Variants in PRKG1 observed in about 807,000 individuals in gnomAD.
PRKG1 encodes the protein cGMP-dependent protein kinase 1.
Under a neutral mutation model 88.1 loss-of-function variants are expected in PRKG1, and 35 were observed. That is an observed-to-expected ratio of 0.40 (90% CI 0.30 to 0.53). The LOEUF is 0.53. Among genes scored for constraint, PRKG1 ranks in the 20% least tolerant of loss-of-function variants. The pLI is 0.59. For missense variants in PRKG1, 540 were observed against 839.8 expected, an observed-to-expected ratio of 0.64 and a Z score of 4.41; for synonymous variants, 303 against 292.5, an observed-to-expected ratio of 1.04 and a Z score of -0.37.
At chr10:51,604,733 A>G (rs1838710888) in intron 3 of PRKG1, among the ~76,000 whole-genome samples, 1 of 152,212 alleles carries the variant, frequency 6.6e-6, no homozygotes, top group South Asian at 2.1e-4. Flanking sequence ...TAGGGGGAGC[A>G]TGCAGACAGG....
At chr10:51,550,979 C>A (rs1422857196) in intron 3 of PRKG1, among the ~76,000 whole-genome samples, 2 of 151,816 alleles carry the variant, frequency 1.3e-5, no homozygotes, top group African/African-American at 4.8e-5. Context: ...GATGCTTAAA[C>A]CTTTATTAAG....
At chr10:51,785,127 T>C (rs540125386) in intron 3 of PRKG1, among the ~76,000 whole-genome samples, 87 of 151,144 alleles carry the variant, frequency 5.8e-4, no homozygotes, top group African/African-American at 1.3e-3. Flanking sequence ...TCTTCTTCTT[T>C]TTTTTTTTTT....
At chr10:51,555,683 A>C (rs10998081) in intron 3 of PRKG1, among the ~76,000 whole-genome samples, 24,297 of 151,930 alleles carry the variant, frequency 0.16, 2,270 homozygotes, top group African/African-American at 0.26. Context: ...GTTAAGGTAG[A>C]TGTTGAGGAC....
intron 2 of PRKG1, among the ~76,000 whole-genome samples, chr10:51,211,610 T>C (rs1264187986): frequency 6.6e-5 from 10 of 152,042 alleles, no homozygotes; most frequent in African/African-American, 2.4e-4. Context: ...TAAGCAACTT[T>C]AGCAAAGTCT....
At chr10:51,755,692 C>A (rs1277967003) in intron 3 of PRKG1, among the ~76,000 whole-genome samples, 1 of 152,114 alleles carries the variant, frequency 6.6e-6, no homozygotes, top group Non-Finnish European at 1.5e-5. Context: ...TTTATTTAAC[C>A]AGCATTCTGT....
intron 9 of PRKG1, among the ~76,000 whole-genome samples, chr10:52,187,292 A>C (rs542624309): frequency 6.6e-6 from 1 of 152,180 alleles, no homozygotes. Context: ...TTAAGTCACT[A>C]TAGTAGCCTC....
intron 3 of PRKG1, among the ~76,000 whole-genome samples, chr10:51,637,114 A>G (rs1480648840): frequency 6.6e-6 from 1 of 152,210 alleles, no homozygotes; most frequent in Non-Finnish European, 1.5e-5. Context: ...GGCAAAGAAC[A>G]TGAACAAACA....
chr10:51,590,358 G>A (rs574380726), intron 3 of PRKG1, among the ~76,000 whole-genome samples: 1 of 152,190 alleles, frequency 6.6e-6, no homozygotes, highest in East Asian at 1.9e-4. Flanking sequence ...TGGCATATGG[G>A]GAACTAGAAT....
chr10:51,934,309 A>T (rs563285693), intron 5 of PRKG1, among the ~76,000 whole-genome samples: 2 of 147,354 alleles, frequency 1.4e-5, no homozygotes, highest in Admixed American at 1.3e-4. Flanking sequence ...TTATATTTTG[A>T]GTTGTGTCAG....
chr10:52,198,813 A>AGTGTGTGT (rs3031003), intron 9 of PRKG1, among the ~76,000 whole-genome samples: 34 of 148,894 alleles, frequency 2.3e-4, no homozygotes, highest in African/African-American at 8.4e-4. Context: ...TTGGGGTGTG[A>AGTGTGTGT]GTGTGTGTGT....
intron 5 of PRKG1, among the ~76,000 whole-genome samples, chr10:52,041,029 A>C (rs1589549716): frequency 6.6e-6 from 1 of 151,486 alleles, no homozygotes; most frequent in South Asian, 2.1e-4. Flanking sequence ...AGTAGAGACG[A>C]GGTTTTACCA....
At chr10:52,279,343 A>G (rs1403766038) in intron 12 of PRKG1, among the ~76,000 whole-genome samples, 1 of 152,160 alleles carries the variant, frequency 6.6e-6, no homozygotes, top group African/African-American at 2.4e-5. Context: ...TTCCATTCAG[A>G]TATTATTCAA....
At chr10:51,503,409 T>C (rs1158973351) in intron 3 of PRKG1, among the ~76,000 whole-genome samples, 1 of 152,090 alleles carries the variant, frequency 6.6e-6, no homozygotes, top group Non-Finnish European at 1.5e-5. Flanking sequence ...TTGAAGAGCA[T>C]TGTTTGGGTG....
At chr10:51,775,917 T>G (rs1387355873) in intron 3 of PRKG1, among the ~76,000 whole-genome samples, 1 of 152,100 alleles carries the variant, frequency 6.6e-6, no homozygotes, top group African/African-American at 2.4e-5. Flanking sequence ...CTGTCTTTCC[T>G]TCATGGTTAC....
At chr10:51,445,642 C>A (rs1460310808) in intron 2 of PRKG1, among the ~76,000 whole-genome samples, 1 of 151,692 alleles carries the variant, frequency 6.6e-6, no homozygotes, top group Non-Finnish European at 1.5e-5. Flanking sequence ...GAACAGATGG[C>A]CTATTCATTA....
intron 5 of PRKG1, among the ~76,000 whole-genome samples, chr10:51,929,845 AT>A (rs1256796780): frequency 1.3e-5 from 2 of 152,136 alleles, no homozygotes; most frequent in Non-Finnish European, 2.9e-5. Flanking sequence ...GGGACATGTT[AT>A]TTTCACCTTT....
At chr10:51,706,697 A>G (rs1449086114) in intron 3 of PRKG1, among the ~76,000 whole-genome samples, 1 of 152,198 alleles carries the variant, frequency 6.6e-6, no homozygotes, top group African/African-American at 2.4e-5. Context: ...AATTAAGAGC[A>G]CAGAGATTTT....
chr10:51,339,697 A>G (rs1459606500), intron 2 of PRKG1, among the ~76,000 whole-genome samples: 1 of 152,016 alleles, frequency 6.6e-6, no homozygotes, highest in East Asian at 1.9e-4. Context: ...CATGCAAAGT[A>G]TATAATTAAC....
At chr10:52,037,258 G>C (rs1450820272) in intron 5 of PRKG1, among the ~76,000 whole-genome samples, 1 of 145,720 alleles carries the variant, frequency 6.9e-6, no homozygotes. Context: ...TTCTGGAGGA[G>C]CCTGGCCGCT....
Sources: allele counts gnomAD v4.1 joint callset (sites outside exome capture counted in the v4.1 genomes callset), GRCh38; gene constraint gnomAD v4.1.1; transcripts MANE v1.5; gene names NCBI Gene and HGNC (gene_info 2026-07-23, HGNC 2026-07-21).